Variants in CACNA1I observed in about 807,000 individuals in gnomAD.
The protein encoded by CACNA1I is voltage-dependent T-type calcium channel subunit alpha-1I.
A neutral mutation model predicts 201.6 loss-of-function variants in CACNA1I; 74 were observed. That is an observed-to-expected ratio of 0.37 (90% confidence interval 0.30 to 0.45). CACNA1I has a LOEUF of 0.45. Among genes scored for constraint, CACNA1I ranks in the 20% least tolerant of loss-of-function variants. The probability of loss-of-function intolerance (pLI) is 1.00; values close to 1 mark genes in which losing one functional copy is unlikely to be tolerated. For missense variants in CACNA1I, 2,346 were observed against 3,138.1 expected, an observed-to-expected ratio of 0.75 and a Z score of 6.03; for synonymous variants, 1,431 against 1,345.2, an observed-to-expected ratio of 1.06 and a Z score of -1.40.
Position 39,640,905 on chromosome 22 carries a change from A to G in CACNA1I, c.779A>G (p.Glu260Gly), listed in dbSNP as rs1934335604. ...DVALPPYYQPEEDDEMPFICS... is the reference protein window; with the variant it reads ...DVALPPYYQPGEDDEMPFICS... ...GCCTTGCCCCCATACTACCAGCCGG[A>G]GGAGGATGATGAGATGCCCTTCATC... The change falls in exon 6 of 37, where the codon GAG (glutamate) becomes GGG (glycine). Residue 260 changes from glutamate (E) to glycine (G), a missense_variant. This residue lies in a region of CACNA1I where 227 missense variants were observed against 412.5 expected (regional missense o/e 0.55). Transcript: ENST00000402142. The G allele has an allele frequency of 2.5e-6, 4 of 1,613,614 alleles. No homozygotes were observed. Among genetic ancestry groups the G allele is most frequent in the Non-Finnish European group, 3.4e-6 (4 of 1,179,790 alleles).
chr22:39,616,927 G>A (rs10212085), intron 3 of CACNA1I, among the ~76,000 whole-genome samples: 11,114 of 152,212 alleles, frequency 0.073, 478 homozygotes, highest in African/African-American at 0.11. Context: ...AGACTGGGTG[G>A]GGAAGGTGGA....
At chr22:39,656,960 C>A (rs750198831) in intron 10 of CACNA1I, among the ~76,000 whole-genome samples, 2 of 152,120 alleles carry the variant, frequency 1.3e-5, no homozygotes. Context: ...CCAGGGGAGC[C>A]GTGGCAGGGA....
chr22:39,602,246 T>C (rs1362541147), intron 3 of CACNA1I, among the ~76,000 whole-genome samples: 1 of 150,330 alleles, frequency 6.7e-6, no homozygotes, highest in African/African-American at 2.5e-5. Flanking sequence ...TAATTTTTCT[T>C]TTCTTTTCTA....
chr22:39,634,647 C>T lies in CACNA1I; in HGVS notation c.663C>T (p.Phe221=). The T allele has an allele frequency of 6.2e-7, 1 of 1,613,950 alleles. No individual in the cohort carries two copies. Among genetic ancestry groups the T allele is most frequent in the African/African-American group, 1.3e-5 (1 of 75,020 alleles). ...TGCTGCTCTGCTTCTTTGTCTTCTT[C>T]ATCTTTGGCATCATAGGTGTGCAGC... ...NVLLLCFFVF[F]IFGIIGVQLW... The change falls in exon 5 of 37, where the codon TTC becomes TTT. Residue 221 remains phenylalanine, a synonymous_variant. Transcript: ENST00000402142.
At chr22:39,602,119 T>C (rs1052212093) in intron 3 of CACNA1I, among the ~76,000 whole-genome samples, 3 of 124,644 alleles carry the variant, frequency 2.4e-5, no homozygotes, top group Non-Finnish European at 5.0e-5. Context: ...GTACCTAGGT[T>C]GGAGTGTGGT....
chr22:39,576,492 G>A (rs1833891263), intron 1 of CACNA1I, among the ~76,000 whole-genome samples: 1 of 152,234 alleles, frequency 6.6e-6, no homozygotes, highest in Non-Finnish European at 1.5e-5. Flanking sequence ...ATTGCCACCT[G>A]CAGAGTCTGG....
At position 39,682,534 on chromosome 22, in the gene CACNA1I, C is replaced by G; in HGVS notation, c.5703C>G (p.Asp1901Glu). The G allele has an allele frequency of 6.2e-7, 1 of 1,613,828 alleles. No individual in the cohort carries two copies. The highest frequency in any genetic ancestry group is 2.2e-5 in the East Asian group (1 of 44,878). Reference protein sequence around the residue: ...LDPPEPMRVGDLGECFFPLSS... With the variant: ...LDPPEPMRVGELGECFFPLSS... ...CACCTGAGCCCATGCGTGTGGGAGA[C>G]CTGGGCGAATGCTTCTTCCCCTTGT... Residue 1901 changes from aspartate to glutamate, a missense_variant, in exon 35 of 37, where the codon GAC (aspartate) becomes GAG (glutamate). Asp to Glu is a conservative substitution (Grantham distance 45). Around this residue, in one of 13 missense-constraint regions of CACNA1I, gnomAD observed 441 missense variants for 555.6 expected, o/e 0.79. Transcript: ENST00000402142.
chr22:39,588,408 CAG>C (rs1453850894), intron 1 of CACNA1I, among the ~76,000 whole-genome samples: 2 of 135,472 alleles, frequency 1.5e-5, no homozygotes. Flanking sequence ...TTTTTTGAGG[CAG>C]AGTCTCACTC....
chr22:39,584,486 T>C (rs1932678543), intron 1 of CACNA1I, among the ~76,000 whole-genome samples: 2 of 152,152 alleles, frequency 1.3e-5, no homozygotes, highest in Non-Finnish European at 2.9e-5. Flanking sequence ...TGGGACAGAC[T>C]TGGGACCTGC....
chr22:39,655,733 C>T (rs905427668), intron 10 of CACNA1I, among the ~76,000 whole-genome samples: 5 of 152,160 alleles, frequency 3.3e-5, no homozygotes, highest in Admixed American at 6.5e-5. Context: ...CTTGGGCTCC[C>T]ACTTGCTGTG....
intron 2 of CACNA1I, 59 bp from the exon 3 acceptor site, chr22:39,600,461 C>T: frequency 6.8e-7 from 1 of 1,480,936 alleles, no homozygotes; most frequent in Non-Finnish European, 9.4e-7. Flanking sequence ...GGCTGCAACC[C>T]CTGGGCCCTG....
intron 3 of CACNA1I, among the ~76,000 whole-genome samples, chr22:39,618,367 G>A (rs1402227359): frequency 1.3e-5 from 2 of 151,718 alleles, no homozygotes; most frequent in Non-Finnish European, 2.9e-5. Context: ...TTGTGTGCGT[G>A]TGTGACTGTG....
At chr22:39,650,012 G>T in intron 10 of CACNA1I, 87 bp downstream of exon 10, 2 of 1,423,258 alleles carry the variant, frequency 1.4e-6, no homozygotes, top group Non-Finnish European at 2.0e-6. Flanking sequence ...CCATCCATCT[G>T]CCTGGGTTTG....
chr22:39,609,725 CAA>C (rs1343354685), intron 3 of CACNA1I, among the ~76,000 whole-genome samples: 1 of 152,204 alleles, frequency 6.6e-6, no homozygotes, highest in African/African-American at 2.4e-5. Context: ...CTAAATCAAA[CAA>C]GAGTTGTTCC....
chr22:39,602,445 C>T (rs947824356), intron 3 of CACNA1I, among the ~76,000 whole-genome samples: 7 of 152,068 alleles, frequency 4.6e-5, no homozygotes, highest in Non-Finnish European at 7.4e-5. Context: ...GAGACCTGTA[C>T]GGAAGCTACT....
intron 1 of CACNA1I, among the ~76,000 whole-genome samples, chr22:39,584,827 C>A (rs1477531614): frequency 6.6e-6 from 1 of 152,176 alleles, no homozygotes; most frequent in Non-Finnish European, 1.5e-5. Flanking sequence ...GTGGCTGTCA[C>A]CCATAGCAAT....
chr22:39,579,472 G>C (rs1932477438), intron 1 of CACNA1I, among the ~76,000 whole-genome samples: 1 of 152,202 alleles, frequency 6.6e-6, no homozygotes, highest in African/African-American at 2.4e-5. Context: ...AGGGTGGGTA[G>C]TTTATAAAGA....
chr22:39,676,616 G>C lies in CACNA1I; in HGVS notation c.4855-725G>C, dbSNP rs1935520562. ...TTCTCCCACAGGAGCTGTGGGATGG[G>C]GGTGGCTGGGTTTGCAGAGGCTTCT... On this transcript the variant is annotated intron_variant, in intron 29 of 36. Transcript: ENST00000402142. The surrounding 1 kb of genome is among the most constrained non-coding windows in gnomAD (Gnocchi z 4.8). Among the ~76,000 whole-genome samples the C allele has an allele frequency of 6.6e-6, 1 of 152,198 alleles. No individual in the cohort carries two copies. The highest frequency in any genetic ancestry group is 2.1e-4 in the South Asian group (1 of 4,834).
intron 1 of CACNA1I, among the ~76,000 whole-genome samples, chr22:39,594,919 T>C (rs948378851): frequency 1.3e-5 from 2 of 152,190 alleles, no homozygotes; most frequent in African/African-American, 4.8e-5. Context: ...TATGTTTTTT[T>C]CCTATACCTG....
Sources: gnomAD v4.1 joint callset for allele counts (sites outside exome capture counted in the v4.1 genomes callset) on GRCh38, gnomAD v4.1.1 for gene constraint, gnomAD v4.1.1 regional missense constraint, Gnocchi (gnomAD v3.1) non-coding constraint, MANE v1.5 for transcripts, NCBI Gene and HGNC (gene_info 2026-07-23, HGNC 2026-07-21) for gene names.